VKORC1L1: variants seen among roughly 807,000 people sequenced by gnomAD.
The protein encoded by VKORC1L1 is vitamin K epoxide reductase complex subunit 1-like protein 1.
Under a neutral mutation model 18.9 loss-of-function variants are expected in VKORC1L1, and 2 were observed. That is an observed-to-expected ratio of 0.11 (90% CI 0.04 to 0.33). VKORC1L1 has a LOEUF of 0.33. Ranked by LOEUF, VKORC1L1 falls within the 10% of genes least tolerant of loss-of-function variation. The pLI, the probability that VKORC1L1 is intolerant of heterozygous loss-of-function variation, is 1.00. For missense variants in VKORC1L1, 123 were observed against 224.1 expected (o/e 0.55, Z 2.88); for synonymous variants, 96 against 100.0 (o/e 0.96, Z 0.24).
intron 1 of VKORC1L1, among the ~76,000 whole-genome samples, chr7:65,897,099 C>T (rs1047617064): frequency 2.0e-5 from 3 of 152,164 alleles, no homozygotes; most frequent in Non-Finnish European, 4.4e-5. Flanking sequence ...AAATAGTTGC[C>T]ATGCAGCATG....
At chr7:65,937,985 A>G (rs1375115062) in intron 1 of VKORC1L1, among the ~76,000 whole-genome samples, 1 of 152,104 alleles carries the variant, frequency 6.6e-6, no homozygotes, top group Non-Finnish European at 1.5e-5. Flanking sequence ...AGGTGAGTGG[A>G]CCATTTGAGG....
chr7:65,917,742 T>G (rs1789611847), intron 1 of VKORC1L1, among the ~76,000 whole-genome samples: 1 of 152,236 alleles, frequency 6.6e-6, no homozygotes, highest in Admixed American at 6.5e-5. Flanking sequence ...CTAAGTACTT[T>G]AGCATGCATA....
At chr7:65,889,338 G>T (rs555867518) in intron 1 of VKORC1L1, among the ~76,000 whole-genome samples, 1 of 152,106 alleles carries the variant, frequency 6.6e-6, no homozygotes, top group Non-Finnish European at 1.5e-5. Flanking sequence ...AATAAATTCA[G>T]TATGTCCAAG....
intron 1 of VKORC1L1, among the ~76,000 whole-genome samples, chr7:65,892,847 T>C (rs1178807536): frequency 6.6e-6 from 1 of 152,236 alleles, no homozygotes; most frequent in African/African-American, 2.4e-5. Flanking sequence ...CAGTGACCCA[T>C]TGTCTTAAGT....
At chr7:65,896,486 C>T (rs1256243822) in intron 1 of VKORC1L1, among the ~76,000 whole-genome samples, 4 of 152,050 alleles carry the variant, frequency 2.6e-5, no homozygotes, top group Admixed American at 1.3e-4. Context: ...ATTGCAACAG[C>T]TTACCCTCCT....
chr7:65,878,802 AGG>A (rs776467883), intron 1 of VKORC1L1, among the ~76,000 whole-genome samples: 11 of 149,152 alleles, frequency 7.4e-5, no homozygotes, highest in South Asian at 6.4e-4. Flanking sequence ...GCTACTTGAG[AGG>A]GGCTGAGGCA....
chr7:65,871,538 G>C (rs1788726202), upstream of VKORC1L1, among the ~76,000 whole-genome samples: 1 of 152,202 alleles, frequency 6.6e-6, no homozygotes, highest in Admixed American at 6.5e-5. Context: ...CTTCGTAAAA[G>C]TGATGGGATG....
At chr7:65,905,008 T>TGTATGTATATGTATATGTATACATATAG (rs536132006) in intron 1 of VKORC1L1, among the ~76,000 whole-genome samples, 119 of 152,290 alleles carry the variant, frequency 7.8e-4, no homozygotes, top group African/African-American at 2.3e-3. Context: ...TACACATGCC[T>TGTATGTATATGTATATGTATACATATAG]GTATGTATAT....
chr7:65,945,467 C>T (rs937846526), intron 1 of VKORC1L1, among the ~76,000 whole-genome samples: 20 of 152,030 alleles, frequency 1.3e-4, no homozygotes, highest in African/African-American at 4.3e-4. Flanking sequence ...AAAAAATTAG[C>T]TGGGCATGGT....
intron 1 of VKORC1L1, among the ~76,000 whole-genome samples, chr7:65,932,961 C>G (rs1019308233): frequency 3.3e-5 from 5 of 151,882 alleles, no homozygotes; most frequent in African/African-American, 1.2e-4. Context: ...GCCTGTAATC[C>G]CAGCTACTCG....
Position 65,955,233 on chromosome 7 carries a change from A to T in VKORC1L1, c.*933A>T, listed in dbSNP as rs1215004568. Reference sequence around the variant, plus strand: ...AGTTTCTTCCACTAGTTGAATTTTCATGCAGATATTTTTCCTTAACGTTGG... The same window carrying T: ...AGTTTCTTCCACTAGTTGAATTTTCTTGCAGATATTTTTCCTTAACGTTGG... On this transcript the variant is annotated 3_prime_UTR_variant, in exon 3 of 3. Transcript: ENST00000360768. The T allele has an allele frequency of 1.3e-5, 2 of 152,222 alleles. No individual in the cohort carries two copies. Among genetic ancestry groups the T allele is most frequent in the African/African-American group, 2.4e-5 (1 of 41,466 alleles). 9.4% of individuals were successfully genotyped at this position (152,222 alleles called of 1,614,324 possible). A position where few individuals can be genotyped will look rare whatever the true frequency, so the allele number is the denominator to read the frequency against.
At chr7:65,887,218 C>T (rs552681229) in intron 1 of VKORC1L1, among the ~76,000 whole-genome samples, 1 of 152,096 alleles carries the variant, frequency 6.6e-6, no homozygotes, top group African/African-American at 2.4e-5. Context: ...TTGCCATATG[C>T]TTGTATCATC....
rs1790295727 is a variant in VKORC1L1 at position 65,956,387 on chromosome 7, G to C, written c.*2087G>C. The C allele has an allele frequency of 6.6e-6, 1 of 152,162 alleles. No individual in the cohort carries two copies. Among genetic ancestry groups the C allele is most frequent in the South Asian group, 2.1e-4 (1 of 4,828 alleles). 9.4% of individuals were successfully genotyped at this position (152,162 alleles called of 1,614,324 possible). On this transcript the variant is annotated 3_prime_UTR_variant, in exon 3 of 3. Coordinates refer to ENST00000360768, the MANE Select transcript of VKORC1L1 (RefSeq NM_173517.6). ...ATCCAATGGTTTTTCATCCTATTTTGTATCAATCAACAGAGTATAGTTAAA... is the reference window on the plus strand; with the variant it reads ...ATCCAATGGTTTTTCATCCTATTTTCTATCAATCAACAGAGTATAGTTAAA...
intron 1 of VKORC1L1, among the ~76,000 whole-genome samples, chr7:65,918,426 CAT>C (rs1201722468): frequency 1.2e-4 from 19 of 152,222 alleles, no homozygotes; most frequent in African/African-American, 4.6e-4. Flanking sequence ...ATTACTAAGA[CAT>C]AATGCTGACA....
At chr7:65,952,403 G>A (rs1790225677) in intron 2 of VKORC1L1, among the ~76,000 whole-genome samples, 1 of 152,210 alleles carries the variant, frequency 6.6e-6, no homozygotes, top group South Asian at 2.1e-4. Context: ...AAAGCAGGTA[G>A]CTGGCCAGAT....
At chr7:65,881,820 C>T (rs1049280742) in intron 1 of VKORC1L1, among the ~76,000 whole-genome samples, 2 of 152,202 alleles carry the variant, frequency 1.3e-5, no homozygotes, top group African/African-American at 4.8e-5. Flanking sequence ...TGGCTCATGC[C>T]TGTAATCCCA....
intron 1 of VKORC1L1, among the ~76,000 whole-genome samples, chr7:65,926,171 T>G (rs1789761295): frequency 7.0e-6 from 1 of 142,580 alleles, no homozygotes; most frequent in South Asian, 2.3e-4. Context: ...ATTATTATTA[T>G]TTGAGACAGA....
chr7:65,896,998 C>T (rs982514008), intron 1 of VKORC1L1, among the ~76,000 whole-genome samples: 1 of 152,042 alleles, frequency 6.6e-6, no homozygotes, highest in African/African-American at 2.4e-5. Flanking sequence ...AGCAAGACTC[C>T]TCATCTCATA....
chr7:65,910,297 G>C (rs1409462152), intron 1 of VKORC1L1, among the ~76,000 whole-genome samples: 2 of 152,022 alleles, frequency 1.3e-5, no homozygotes, highest in Non-Finnish European at 2.9e-5. Context: ...TCATTAATAT[G>C]TATTTGCATT....
Sources: gnomAD v4.1 joint callset for allele counts (sites outside exome capture counted in the v4.1 genomes callset) on GRCh38, gnomAD v4.1.1 for gene constraint, MANE v1.5 for transcripts, NCBI Gene and HGNC (gene_info 2026-07-23, HGNC 2026-07-21) for gene names.